Variants in LEF1 observed in about 807,000 individuals in gnomAD.
LEF1 encodes the protein lymphoid enhancer-binding factor 1.
Under a neutral mutation model 51.2 loss-of-function variants are expected in LEF1, and 14 were observed. That is an observed-to-expected ratio of 0.27 (90% confidence interval 0.18 to 0.43). The LOEUF (loss-of-function observed/expected upper bound fraction) is 0.43, where lower values mean the gene tolerates loss of function less well. Among genes scored for constraint, LEF1 ranks in the 20% least tolerant of loss-of-function variants. LEF1 has a pLI of 1.00. For missense variants in LEF1, 386 were observed against 512.0 expected (o/e 0.75, Z 2.37); for synonymous variants, 185 against 183.2 (o/e 1.01, Z -0.08).
At chr4:108,112,799 T>C (rs1741611697) in intron 3 of LEF1, among the ~76,000 whole-genome samples, 1 of 152,228 alleles carries the variant, frequency 6.6e-6, no homozygotes, top group African/African-American at 2.4e-5. Context: ...ACATAATTAG[T>C]ATATGCTCCT....
chr4:108,103,903 G>A (rs1036598911), intron 3 of LEF1, among the ~76,000 whole-genome samples: 1 of 152,148 alleles, frequency 6.6e-6, no homozygotes, highest in South Asian at 2.1e-4. Flanking sequence ...ACTACCATAC[G>A]ACCCAGTGAT....
chr4:108,156,503 G>T (rs2110407140), intron 3 of LEF1, among the ~76,000 whole-genome samples: 1 of 152,264 alleles, frequency 6.6e-6, no homozygotes, highest in East Asian at 1.9e-4. Flanking sequence ...GAAATATCCA[G>T]AAAACACACA....
intron 3 of LEF1, among the ~76,000 whole-genome samples, chr4:108,123,498 A>G (rs1290248193): frequency 6.8e-6 from 1 of 146,526 alleles, no homozygotes; most frequent in African/African-American, 2.6e-5. Flanking sequence ...GTACCCTACA[A>G]GATAGAATCT....
At chr4:108,112,357 T>C (rs1741585004) in intron 3 of LEF1, among the ~76,000 whole-genome samples, 1 of 151,974 alleles carries the variant, frequency 6.6e-6, no homozygotes, top group Admixed American at 6.6e-5. Flanking sequence ...TGGGGTAGAG[T>C]GTTCTGATCC....
chr4:108,057,786 C>T lies in LEF1; in HGVS notation c.*6+5837G>A, dbSNP rs532225474. Reference sequence around the variant, plus strand: ...CTACTATATTGAGCTTAGCAATTACCTCTCATGCTCATCTCTTGGCCCTAG... The same window carrying T: ...CTACTATATTGAGCTTAGCAATTACTTCTCATGCTCATCTCTTGGCCCTAG... On this transcript the variant is annotated intron_variant, in intron 11 of 11. Transcript: ENST00000265165. Among the ~76,000 whole-genome samples, 9 of 152,286 alleles carry T rather than the reference C, an allele frequency of 5.9e-5. 1 individual carries two copies. The South Asian group carries it at 1.5e-3, about 25-fold the overall frequency.
At chr4:108,067,800 G>A (rs1419045786) in intron 9 of LEF1, among the ~76,000 whole-genome samples, 2 of 152,082 alleles carry the variant, frequency 1.3e-5, no homozygotes, top group South Asian at 2.1e-4. Context: ...AAAGTGCTAG[G>A]ATCACAGGCG....
chr4:108,062,448 C>A (rs755969774), intron 11 of LEF1, among the ~76,000 whole-genome samples: 19 of 152,108 alleles, frequency 1.2e-4, no homozygotes, highest in Non-Finnish European at 2.9e-5. Flanking sequence ...TTGGACTGAT[C>A]ATAGGACTCA....
At chr4:108,071,795 T>C (rs995055925) in intron 8 of LEF1, 3 of 152,128 alleles carry the variant, frequency 2.0e-5, no homozygotes, top group African/African-American at 7.2e-5. Context: ...GAGGCGATGG[T>C]AGCTATACAA....
At chr4:108,113,507 C>G (rs1741654605) in intron 3 of LEF1, among the ~76,000 whole-genome samples, 6 of 152,152 alleles carry the variant, frequency 3.9e-5, no homozygotes. Context: ...TGCCACAAGC[C>G]CACTGCCTGT....
At position 108,153,206 on chromosome 4, in the gene LEF1, T is replaced by C. The variant is rs549345732; in HGVS notation, c.414+10362A>G. Among the ~76,000 whole-genome samples the C allele has an allele frequency of 2.0e-5, 3 of 152,310 alleles. No individual in the cohort carries two copies. The South Asian group carries it at 6.2e-4, about 32-fold the overall frequency. On this transcript the variant is annotated intron_variant, in intron 3 of 11. Transcript: ENST00000265165. ...TGAGCAAGGACAGACTGACCCTTTGTTCTCTCTGTCAGGCCAGCTTGCCCA... is the reference window on the plus strand; with the variant it reads ...TGAGCAAGGACAGACTGACCCTTTGCTCTCTCTGTCAGGCCAGCTTGCCCA...
chr4:108,084,465 A>C (rs529968167), intron 4 of LEF1, among the ~76,000 whole-genome samples: 1 of 152,358 alleles, frequency 6.6e-6, no homozygotes, highest in East Asian at 1.9e-4. Context: ...GATGTTTCTT[A>C]AATATTCTGC....
chr4:108,077,354 G>A (rs997119061), intron 8 of LEF1, among the ~76,000 whole-genome samples: 2 of 151,930 alleles, frequency 1.3e-5, no homozygotes, highest in Non-Finnish European at 2.9e-5. Context: ...AGAGAGAAGC[G>A]CCTCTGCCCG....
chr4:108,160,720 TC>T (rs1454039361), intron 3 of LEF1, among the ~76,000 whole-genome samples: 1 of 152,180 alleles, frequency 6.6e-6, no homozygotes, highest in Non-Finnish European at 1.5e-5. Flanking sequence ...TAAAATCTGT[TC>T]CAGGATACAC....
rs570092555 is a variant in LEF1, at chr4:108,085,545, G to A, written c.548-2099C>T. On this transcript the variant is annotated intron_variant, in intron 4 of 11. Transcript: ENST00000265165. ...CTTTAAGCTTAAACTCTTACTCTCCGTACTACTCCATGTTCTAAGCATGCT... is the reference window on the plus strand; with the variant it reads ...CTTTAAGCTTAAACTCTTACTCTCCATACTACTCCATGTTCTAAGCATGCT... 7.9e-5 allele frequency among the ~76,000 whole-genome samples: 12 copies of A among 152,248 alleles called. No individual in the cohort carries two copies. The South Asian group carries it at 1.9e-3, about 24-fold the overall frequency.
At chr4:108,114,563 G>C (rs1291340115) in intron 3 of LEF1, among the ~76,000 whole-genome samples, 3 of 152,214 alleles carry the variant, frequency 2.0e-5, no homozygotes, top group African/African-American at 7.2e-5. Context: ...AGCCCCAAGT[G>C]ATGTGAAAAC....
intron 3 of LEF1, among the ~76,000 whole-genome samples, chr4:108,151,119 A>G (rs982540029): frequency 3.3e-5 from 5 of 152,182 alleles, no homozygotes; most frequent in South Asian, 2.1e-4. Flanking sequence ...AAACTCATGA[A>G]TGCCTGTCTT....
intron 1 of LEF1, chr4:108,166,536 C>T: frequency 7.7e-7 from 1 of 1,290,356 alleles, no homozygotes; most frequent in South Asian, 1.8e-5. Flanking sequence ...TGTCGGGTAT[C>T]AGGGTCCATC....
intron 7 of LEF1, 122 bp from the exon 8 acceptor site, chr4:108,078,504 C>T: frequency 8.3e-7 from 1 of 1,204,096 alleles, no homozygotes; most frequent in Non-Finnish European, 1.2e-6. Flanking sequence ...AACCCTCTCA[C>T]CCCAGACCAC....
At chr4:108,123,432 G>GTT (rs34015287) in intron 3 of LEF1, among the ~76,000 whole-genome samples, 2,697 of 72,364 alleles carry the variant, frequency 0.037, 346 homozygotes, top group African/African-American at 0.16. Flanking sequence ...GCTAGGGTTG[G>GTT]TTTTTTTTTT....
Sources: allele counts gnomAD v4.1 joint callset (sites outside exome capture counted in the v4.1 genomes callset), GRCh38; gene constraint gnomAD v4.1.1; transcripts MANE v1.5; gene names NCBI Gene and HGNC (gene_info 2026-07-23, HGNC 2026-07-21).